Variants in KIF21B observed in about 807,000 individuals in gnomAD.
The protein encoded by KIF21B is kinesin family member 21B, also known as kinesin-like protein KIF21B.
Under a neutral mutation model 192.9 loss-of-function variants are expected in KIF21B, and 85 were observed. That is an observed-to-expected ratio of 0.44 (90% CI 0.37 to 0.53). The LOEUF is 0.53. Ranked by LOEUF, KIF21B falls within the 20% of genes least tolerant of loss-of-function variation. The probability of loss-of-function intolerance (pLI) is 0.00; values close to 1 mark genes in which losing one functional copy is unlikely to be tolerated. For synonymous variants in KIF21B, 832 were observed against 884.6 expected (o/e 0.94, Z 1.05); for missense variants, 1,716 against 2,194.8 (o/e 0.78, Z 4.36).
In KIF21B at chr1:201,000,821, T is replaced by C; in HGVS notation, c.1403-41A>G. The C allele has an allele frequency of 6.2e-7, 1 of 1,607,520 alleles. No individual in the cohort carries two copies. Among genetic ancestry groups the C allele is most frequent in the Non-Finnish European group, 8.5e-7 (1 of 1,174,208 alleles). ...GGGAAGAAGGGTGCGATAAAGAAGATAAATAGGCCAGCGCGGTGGCTCAGA... is the reference window on the plus strand; with the variant it reads ...GGGAAGAAGGGTGCGATAAAGAAGACAAATAGGCCAGCGCGGTGGCTCAGA... On this transcript the variant is annotated intron_variant, in intron 9 of 34. Coordinates refer to ENST00000461742, the MANE Select transcript of KIF21B (RefSeq NM_001252102.2). This position sits in a 1 kb window ranked among gnomAD's most constrained non-coding sequence, Gnocchi z 6.0.
chr1:200,978,119 G>C (rs541019391), intron 30 of KIF21B, among the ~76,000 whole-genome samples: 28 of 150,160 alleles, frequency 1.9e-4, no homozygotes, highest in African/African-American at 6.6e-4. Context: ...GTGTGATCTC[G>C]GCTCACTGCA....
chr1:200,999,248 G>C lies in KIF21B; in HGVS notation c.1885+101C>G, dbSNP rs567827474. On this transcript the variant is annotated intron_variant, in intron 13 of 34. Coordinates refer to ENST00000461742, the MANE Select transcript of KIF21B (RefSeq NM_001252102.2). This position sits in a 1 kb window ranked among gnomAD's most constrained non-coding sequence, Gnocchi z 4.7. ...ATTGGTTTCACGTCTGGGAGTGCTG[G>C]GGCCTGGACACCATTATCTTTGAGC... The C allele has an allele frequency of 3.6e-6, 5 of 1,405,116 alleles. No homozygotes were observed. The highest frequency in any genetic ancestry group is 4.0e-6 in the Non-Finnish European group (4 of 995,168). The allele number at this position is 1,405,116 out of a possible 1,614,324, so 87.0% of individuals were successfully genotyped here.
Position 201,004,327 on chromosome 1 carries a change from G to A in KIF21B, c.1016+13C>T, listed in dbSNP as rs1657675660. On this transcript the variant is annotated intron_variant, in intron 7 of 34. Transcript: ENST00000461742. ...CTCCCCTGTCCCTTCCCTGGGTGTTGGTCACCAGATACCTGTTGCCCCCCA... is the reference window on the plus strand; with the variant it reads ...CTCCCCTGTCCCTTCCCTGGGTGTTAGTCACCAGATACCTGTTGCCCCCCA... 2.6e-6 allele frequency: 4 copies of A among 1,548,282 alleles called. No homozygotes were observed. Among genetic ancestry groups the A allele is most frequent in the East Asian group, 4.8e-5 (2 of 41,538 alleles).
At chr1:200,996,442 C>G in intron 14 of KIF21B, 47 bp from the exon 15 acceptor site, 1 of 1,547,338 alleles carries the variant, frequency 6.5e-7, no homozygotes, top group Non-Finnish European at 8.9e-7. Flanking sequence ...CCTAAGGGCT[C>G]CCACTAAATA....
intron 7 of KIF21B, 53 bp downstream of exon 7, chr1:201,004,287 C>A: frequency 6.9e-7 from 1 of 1,449,784 alleles, no homozygotes; most frequent in Non-Finnish European, 9.5e-7. Flanking sequence ...CACTATTTTC[C>A]AGGAACCTCC....
In KIF21B at chr1:200,988,809, T is replaced by C. The variant is rs779791872; in HGVS notation, c.3255A>G (p.Glu1085=). The change falls in exon 22 of 35, where the codon GAA becomes GAG. Residue 1085 remains glutamate, a synonymous_variant. Transcript: ENST00000461742. ...LLLDALREKA[E]AHPELQALIY... The stretch of plus-strand genomic sequence containing the variant: ...TGAGGGCCTGCAGCTCGGGGTGAGC[T>C]TCAGCCTTCTCACGCAGGGCGTCCA... 30 of 1,613,780 alleles carry C rather than the reference T, an allele frequency of 1.9e-5. No homozygotes were observed. The highest frequency in any genetic ancestry group is 1.9e-5 in the Non-Finnish European group (22 of 1,179,922).
At position 200,982,735 on chromosome 1, in the gene KIF21B, A is replaced by G. The variant is rs1354389870; in HGVS notation, c.3842+321T>C. ...GTCGTGGAGAACTCAGCCCCAGCCCAGCATCCCCTAGGCCTCCATGCTGCG... is the reference window on the plus strand; with the variant it reads ...GTCGTGGAGAACTCAGCCCCAGCCCGGCATCCCCTAGGCCTCCATGCTGCG... On this transcript the variant is annotated intron_variant, in intron 28 of 34. Transcript: ENST00000461742. The surrounding 1 kb of genome is among the most constrained non-coding windows in gnomAD (Gnocchi z 4.7). 6.6e-6 allele frequency among the ~76,000 whole-genome samples: 1 copy of G among 152,148 alleles called. No individual in the cohort carries two copies. The highest frequency in any genetic ancestry group is 1.9e-4 in the East Asian group (1 of 5,188).
In KIF21B at chr1:200,980,991, G is replaced by T. The variant is rs774312923; in HGVS notation, c.3948C>A (p.Ala1316=). The change falls in exon 29 of 35, where the codon GCC becomes GCA. Residue 1316 remains alanine (A), a synonymous_variant. Coordinates refer to ENST00000461742, the MANE Select transcript of KIF21B (RefSeq NM_001252102.2). Reference sequence around the variant, plus strand: ...ACCCTGTGAATAGCAACTCATCTGTGGCATCCAGGCAGAGGATGGGCTTGG... The same window carrying T: ...ACCCTGTGAATAGCAACTCATCTGTTGCATCCAGGCAGAGGATGGGCTTGG... ...GHTKPILCLD[A]TDELLFTGSK... The T allele has an allele frequency of 6.2e-7, 1 of 1,611,384 alleles. No individual in the cohort carries two copies. The highest frequency in any genetic ancestry group is 1.3e-5 in the African/African-American group (1 of 74,808).
At chr1:200,985,007 AC>A in intron 26 of KIF21B, 35 bp from the exon 27 acceptor site, 1 of 1,498,438 alleles carries the variant, frequency 6.7e-7, no homozygotes, top group Non-Finnish European at 9.2e-7. Flanking sequence ...CCTGTTAGTG[AC>A]CACCCCTGCC....
At chr1:201,006,688 G>T (rs1023662967) in intron 3 of KIF21B, among the ~76,000 whole-genome samples, 5 of 152,068 alleles carry the variant, frequency 3.3e-5, no homozygotes, top group African/African-American at 1.2e-4. Flanking sequence ...GCTCTTCCGG[G>T]CTTCTCCATG....
intron 1 of KIF21B, among the ~76,000 whole-genome samples, chr1:201,022,897 G>A (rs1054816826): frequency 6.6e-6 from 1 of 152,196 alleles, no homozygotes; most frequent in Non-Finnish European, 1.5e-5. Flanking sequence ...TCCCAGGGTG[G>A]GTGTGCTGCC....
intron 21 of KIF21B, among the ~76,000 whole-genome samples, chr1:200,989,214 G>C (rs1402740566): frequency 1.3e-5 from 2 of 152,150 alleles, no homozygotes; most frequent in African/African-American, 4.8e-5. Context: ...GAAGAAACCA[G>C]CCCTGCCAAC....
intron 29 of KIF21B, 40 bp from the exon 30 acceptor site, chr1:200,979,755 GTC>G (rs1290782110): frequency 6.8e-7 from 1 of 1,473,330 alleles, no homozygotes; most frequent in Admixed American, 2.3e-5. Flanking sequence ...GGGGAGGGAT[GTC>G]AGCCACTAGG....
In KIF21B at chr1:200,990,744, G is replaced by C. The variant is rs758621965; in HGVS notation, c.2688-21C>G. ...TCTTTCTGGGAGACATAGGCAAAGG[G>C]GATTGGATGGGACTCCTTTTAACCT... On this transcript the variant is annotated intron_variant, in intron 18 of 34. Transcript: ENST00000461742. The surrounding 1 kb of genome is among the most constrained non-coding windows in gnomAD (Gnocchi z 5.4). 1.2e-6 allele frequency: 2 copies of C among 1,613,520 alleles called. No individual in the cohort carries two copies. The highest frequency in any genetic ancestry group is 2.2e-5 in the South Asian group (2 of 91,046).
At chr1:200,981,349 G>A (rs552655663) in intron 28 of KIF21B, among the ~76,000 whole-genome samples, 1 of 152,358 alleles carries the variant, frequency 6.6e-6, no homozygotes, top group African/African-American at 2.4e-5. Context: ...CAAACCCGGT[G>A]TTAGGCACAG....
chr1:200,986,982 G>T lies in KIF21B; in HGVS notation c.3614+14C>A, dbSNP rs1035582010. On this transcript the variant is annotated intron_variant, in intron 25 of 34. Coordinates refer to ENST00000461742, the MANE Select transcript of KIF21B (RefSeq NM_001252102.2). ...CACCTCCACTCCAACCCACATTCCTGCTCCCATCCTTACAAAGTGCTGCCC... is the reference window on the plus strand; with the variant it reads ...CACCTCCACTCCAACCCACATTCCTTCTCCCATCCTTACAAAGTGCTGCCC... The T allele has an allele frequency of 6.2e-7, 1 of 1,613,602 alleles. No homozygotes were observed. Among genetic ancestry groups the T allele is most frequent in the Non-Finnish European group, 8.5e-7 (1 of 1,179,734 alleles).
intron 30 of KIF21B, among the ~76,000 whole-genome samples, chr1:200,978,318 C>G (rs1273502575): frequency 6.7e-6 from 1 of 148,952 alleles, no homozygotes; most frequent in Non-Finnish European, 1.5e-5. Context: ...CAAAGTGCTG[C>G]GATTACAGGT....
In KIF21B at chr1:200,976,901, G is replaced by A. The variant is rs968500673; in HGVS notation, c.4326-8C>T. 8 of 1,595,258 alleles carry A rather than the reference G, an allele frequency of 5.0e-6. No individual in the cohort carries two copies. The highest frequency in any genetic ancestry group is 6.0e-6 in the Non-Finnish European group (7 of 1,165,818). On this transcript the variant is annotated splice_region_variant and splice_polypyrimidine_tract_variant and intron_variant, in intron 31 of 34. Transcript: ENST00000461742. ...TTGCCGACAGGCTGGAACCTGCAGT[G>A]GGAAGAGGCCCAGCCAGGGGTAGGT...
At chr1:200,988,204 C>T in intron 24 of KIF21B, 92 bp downstream of exon 24, 1 of 1,262,010 alleles carries the variant, frequency 7.9e-7, no homozygotes, top group South Asian at 1.2e-5. Context: ...TGTGTTGTGG[C>T]TGAGGGTGGA....
Sources: gnomAD v4.1 joint callset for allele counts (sites outside exome capture counted in the v4.1 genomes callset) on GRCh38, gnomAD v4.1.1 for gene constraint, Gnocchi (gnomAD v3.1) non-coding constraint, MANE v1.5 for transcripts, NCBI Gene and HGNC (gene_info 2026-07-23, HGNC 2026-07-21) for gene names.